ADGRB2: variants seen among roughly 807,000 people sequenced by gnomAD.
ADGRB2 encodes the protein adhesion G protein-coupled receptor B2, also known as brain-specific angiogenesis inhibitor 2.
In ADGRB2, 47 loss-of-function variants were observed where a neutral mutation model predicts 178.7. The observed-to-expected ratio is 0.26, with a 90% confidence interval of 0.21 to 0.34. The LOEUF is 0.34. Among genes scored for constraint, ADGRB2 ranks in the 10% least tolerant of loss-of-function variants. ADGRB2 has a pLI of 1.00. For missense variants in ADGRB2, 1,584 were observed against 2,180.8 expected (o/e 0.73, Z 5.45); for synonymous variants, 870 against 912.4 (o/e 0.95, Z 0.84).
At chr1:31,763,802 G>C (rs1041389354) in intron 1 of ADGRB2, 82 bp downstream of exon 1, 2 of 985,328 alleles carry the variant, frequency 2.0e-6, no homozygotes, top group South Asian at 9.4e-5. Context: ...AGCGCCCCGA[G>C]TCCGGGCCGG....
chr1:31,752,295 GC>G (rs775262284), intron 4 of ADGRB2, among the ~76,000 whole-genome samples: 1 of 152,188 alleles, frequency 6.6e-6, no homozygotes, highest in African/African-American at 2.4e-5. Flanking sequence ...GGATGTCTGG[GC>G]CCCGCTCCCC....
Position 31,740,251 on chromosome 1 carries a change from C to A in ADGRB2, c.1990-73G>T. 1 of 1,608,050 alleles carries A rather than the reference C, an allele frequency of 6.2e-7. No individual in the cohort carries two copies. On this transcript the variant is annotated intron_variant, in intron 12 of 32. Transcript: ENST00000373658. This position sits in a 1 kb window ranked among gnomAD's most constrained non-coding sequence, Gnocchi z 5.9. ...GGGGGCTTCCCCCACTATAGCCACA[C>A]TTGCCGCCTCTACAGCAGACTCTGC...
In ADGRB2 at chr1:31,764,066, G is replaced by A; in HGVS notation, c.-373C>T. 3.1e-6 allele frequency: 3 copies of A among 955,130 alleles called. No individual in the cohort carries two copies. Among genetic ancestry groups the A allele is most frequent in the African/African-American group, 1.8e-5 (1 of 55,526 alleles). 59.2% of individuals were successfully genotyped at this position (955,130 alleles called of 1,614,324 possible). A position where few individuals can be genotyped will look rare whatever the true frequency, so the allele number is the denominator to read the frequency against. On this transcript the variant is annotated 5_prime_UTR_variant, in exon 1 of 33. Transcript: ENST00000373658. This position sits in a 1 kb window ranked among gnomAD's most constrained non-coding sequence, Gnocchi z 7.3. ...CAGAAAAGGCGCCGCGGAGCAGCGC[G>A]GGGCGGGCGGGCGGGCGGCGCCGGG...
chr1:31,732,249 T>C (rs1645326515), intron 27 of ADGRB2, 95 bp from the exon 28 acceptor site: 2 of 1,543,508 alleles, frequency 1.3e-6, no homozygotes, highest in Non-Finnish European at 1.8e-6. Flanking sequence ...CTTTGCCCAG[T>C]CTGCCTGCCT....
intron 4 of ADGRB2, among the ~76,000 whole-genome samples, chr1:31,751,956 G>A (rs1355178044): frequency 6.6e-6 from 1 of 152,104 alleles, no homozygotes; most frequent in Non-Finnish European, 1.5e-5. Context: ...TCCTCTCACT[G>A]AACCCTCCCC....
In ADGRB2 at chr1:31,733,285, A is replaced by G. The variant is rs1645391493; in HGVS notation, c.3453-142T>C. The G allele has an allele frequency of 8.1e-6, 7 of 868,350 alleles. No individual in the cohort carries two copies. The highest frequency in any genetic ancestry group is 2.8e-5 in the Admixed American group (1 of 35,954). The allele number at this position is 868,350 out of a possible 1,614,324, so 53.8% of individuals were successfully genotyped here. A position where few individuals can be genotyped will look rare whatever the true frequency, so the allele number is the denominator to read the frequency against. ...CCCCAGGGCCTCAGTAATGTCCCCA[A>G]GCAGAGAGGGGCTGAGGAGCCAGAG... On this transcript the variant is annotated intron_variant, in intron 25 of 32. Coordinates refer to ENST00000373658, the MANE Select transcript of ADGRB2 (RefSeq NM_001364857.2). The surrounding 1 kb of genome is among the most constrained non-coding windows in gnomAD (Gnocchi z 4.3).
chr1:31,732,026 C>T, intron 28 of ADGRB2, 89 bp downstream of exon 28: 2 of 1,545,314 alleles, frequency 1.3e-6, no homozygotes, highest in South Asian at 2.3e-5. Context: ...GCAGCCAGAA[C>T]TCCATCAGGG....
intron 1 of ADGRB2, among the ~76,000 whole-genome samples, chr1:31,757,780 C>T (rs2149065058): frequency 6.6e-6 from 1 of 152,300 alleles, no homozygotes; most frequent in African/African-American, 2.4e-5. Context: ...TACTGTTTCC[C>T]CAAGGCTAGT....
In ADGRB2 at chr1:31,728,286, G is replaced by A. The variant is rs983364545; in HGVS notation, c.4417-6C>T. ...TTCCGGGTGTGCATCACCTTCTAGG[G>A]GCCACAGGGCATCAGAGGGTCGCTC... is the stretch of plus-strand genomic sequence containing the variant. On this transcript the variant is annotated splice_polypyrimidine_tract_variant and splice_region_variant and intron_variant, in intron 30 of 32. Coordinates refer to ENST00000373658, the MANE Select transcript of ADGRB2 (RefSeq NM_001364857.2). The surrounding 1 kb of genome is among the most constrained non-coding windows in gnomAD (Gnocchi z 6.7). The A allele has an allele frequency of 1.9e-6, 3 of 1,613,254 alleles. No individual in the cohort carries two copies. Among genetic ancestry groups the A allele is most frequent in the Non-Finnish European group, 2.5e-6 (3 of 1,179,814 alleles).
chr1:31,727,626 G>T lies in ADGRB2; in HGVS notation c.4573-21C>A. 6.7e-7 allele frequency: 1 copy of T among 1,486,444 alleles called. No individual in the cohort carries two copies. The highest frequency in any genetic ancestry group is 8.9e-7 in the Non-Finnish European group (1 of 1,124,174). The allele number at this position is 1,486,444 out of a possible 1,614,324, so 92.1% of individuals were successfully genotyped here. A position where few individuals can be genotyped will look rare whatever the true frequency, so the allele number is the denominator to read the frequency against. ...TTATCCTGTGGAGGGAGCGGGAGGGGCCGTGGAGATGGGCCAATATCCTTA... is the reference window on the plus strand; with the variant it reads ...TTATCCTGTGGAGGGAGCGGGAGGGTCCGTGGAGATGGGCCAATATCCTTA... On this transcript the variant is annotated intron_variant, in intron 32 of 32. Transcript: ENST00000373658. This position sits in a 1 kb window ranked among gnomAD's most constrained non-coding sequence, Gnocchi z 4.4.
rs1192547165 is a variant in ADGRB2, at chr1:31,764,136, C to T, written c.-443G>A. 6.2e-6 allele frequency: 5 copies of T among 812,334 alleles called. No homozygotes were observed. The highest frequency in any genetic ancestry group is 5.9e-6 in the Non-Finnish European group (4 of 675,736). 50.3% of individuals were successfully genotyped at this position (812,334 alleles called of 1,614,324 possible). A position where few individuals can be genotyped will look rare whatever the true frequency, so the allele number is the denominator to read the frequency against. Reference sequence around the variant, plus strand: ...GCCGCCGCCGCCGCCGCCTCCTTGCCGCGCCGCCCCCCGCTCCCCCGCTCC... The same window carrying T: ...GCCGCCGCCGCCGCCGCCTCCTTGCTGCGCCGCCCCCCGCTCCCCCGCTCC... On this transcript the variant is annotated 5_prime_UTR_variant, in exon 1 of 33. Transcript: ENST00000373658. This position sits in a 1 kb window ranked among gnomAD's most constrained non-coding sequence, Gnocchi z 7.3.
chr1:31,732,432 G>A, intron 27 of ADGRB2, 85 bp downstream of exon 27: 1 of 1,474,696 alleles, frequency 6.8e-7, no homozygotes, highest in South Asian at 1.2e-5. Flanking sequence ...TGCCATGGAT[G>A]GGGAAGGTAA....
At chr1:31,750,117 C>T (rs1646489476) in intron 4 of ADGRB2, among the ~76,000 whole-genome samples, 1 of 152,206 alleles carries the variant, frequency 6.6e-6, no homozygotes, top group Admixed American at 6.5e-5. Flanking sequence ...CTGCCAAAAT[C>T]ATCTACATGT....
rs372925356 is a variant in ADGRB2, at chr1:31,756,457, C to T, written c.380G>A (p.Arg127Gln). The change falls in exon 4 of 33, where the codon CGG (arginine) becomes CAG (glutamine). Residue 127 changes from arginine to glutamine, a missense_variant. Physicochemically the swap from Arg to Gln is conservative, Grantham distance 43. Coordinates refer to ENST00000373658, the MANE Select transcript of ADGRB2 (RefSeq NM_001364857.2). This position sits in a 1 kb window ranked among gnomAD's most constrained non-coding sequence, Gnocchi z 8.5. ...AVAQAESEVG[R>Q]PEEEEAEAAA... ...CGCCTCTGCCTCCTCCTCTTCTGGC[C>T]GCCCCACCTCTGACTCCGCCTGGGC... 22 of 1,610,880 alleles carry T rather than the reference C, an allele frequency of 1.4e-5. No homozygotes were observed. Among genetic ancestry groups the T allele is most frequent in the Middle Eastern group, 1.7e-4 (1 of 6,026 alleles).
chr1:31,762,672 A>AGTGGGTGG (rs1647076038), intron 1 of ADGRB2, among the ~76,000 whole-genome samples: 1 of 133,902 alleles, frequency 7.5e-6, no homozygotes, highest in Admixed American at 8.8e-5. Context: ...GGGCATGGCT[A>AGTGGGTGG]GCACGAGGAG....
chr1:31,737,903 A>G, intron 18 of ADGRB2, 148 bp from the exon 19 acceptor site: 1 of 801,984 alleles, frequency 1.2e-6, no homozygotes, highest in Non-Finnish European at 2.0e-6. Context: ...CACAGAACAG[A>G]CCCGGGTATC....
chr1:31,728,597 C>T lies in ADGRB2; in HGVS notation c.4416+1G>A. Reference sequence around the variant, plus strand: ...CCGCCCAGCACACACATGGCCCTTACCTCAAAGTCCAGGTCTGAATACCGT... The same window carrying T: ...CCGCCCAGCACACACATGGCCCTTATCTCAAAGTCCAGGTCTGAATACCGT... On this transcript the variant is annotated splice_donor_variant, in intron 30 of 32. Coordinates refer to ENST00000373658, the MANE Select transcript of ADGRB2 (RefSeq NM_001364857.2). LOFTEE classifies it high-confidence loss of function. This position sits in a 1 kb window ranked among gnomAD's most constrained non-coding sequence, Gnocchi z 6.7. 3.1e-6 allele frequency: 5 copies of T among 1,614,084 alleles called. No individual in the cohort carries two copies. The highest frequency in any genetic ancestry group is 4.2e-6 in the Non-Finnish European group (5 of 1,179,994).
Position 31,753,042 on chromosome 1 carries a change from G to A in ADGRB2, c.838+2957C>T, listed in dbSNP as rs1646658201. Among the ~76,000 whole-genome samples, 3 of 152,166 alleles carry A rather than the reference G, an allele frequency of 2.0e-5. No individual in the cohort carries two copies. In the South Asian group the frequency reaches 6.2e-4, roughly 31 times the overall value. On this transcript the variant is annotated intron_variant, in intron 4 of 32. Coordinates refer to ENST00000373658, the MANE Select transcript of ADGRB2 (RefSeq NM_001364857.2). This position sits in a 1 kb window ranked among gnomAD's most constrained non-coding sequence, Gnocchi z 4.1. ...CATGAGGCGGGGTTCTTTCTCCCAAGTATCACTGGGCACAGCCATTCCCAC... is the reference window on the plus strand; with the variant it reads ...CATGAGGCGGGGTTCTTTCTCCCAAATATCACTGGGCACAGCCATTCCCAC...
At position 31,728,021 on chromosome 1, in the gene ADGRB2, TCA is replaced by T. The variant is rs1645077322; in HGVS notation, c.4572+2_4572+3del. The T allele has an allele frequency of 1.3e-6, 2 of 1,560,874 alleles. No homozygotes were observed. The highest frequency in any genetic ancestry group is 1.9e-5 in the Admixed American group (1 of 53,474). On this transcript the variant is annotated splice_donor_variant and splice_donor_region_variant and intron_variant, in intron 32 of 32. Transcript: ENST00000373658. LOFTEE classifies it high-confidence loss of function. The surrounding 1 kb of genome is among the most constrained non-coding windows in gnomAD (Gnocchi z 6.7). ...CTCACCCCACCCAGCCCGGGGGGAC[TCA>T]CGGTGCACACGCTCCGCTCGGCTGC...
Sources: allele counts gnomAD v4.1 joint callset (sites outside exome capture counted in the v4.1 genomes callset), GRCh38; gene constraint gnomAD v4.1.1; non-coding constraint Gnocchi (gnomAD v3.1); transcripts MANE v1.5; gene names NCBI Gene and HGNC (gene_info 2026-07-23, HGNC 2026-07-21).